Variants in SMC1A observed in about 807,000 individuals in gnomAD.
SMC1A encodes structural maintenance of chromosomes protein 1A.
In SMC1A, 4 loss-of-function variants were observed where a neutral mutation model predicts 94.5. That is an observed-to-expected ratio of 0.04 (90% CI 0.02 to 0.10). The LOEUF is 0.10. Ranked by LOEUF, SMC1A falls within the 10% of genes least tolerant of loss-of-function variation. The pLI is 1.00. For synonymous variants in SMC1A, 345 were observed against 347.7 expected (o/e 0.99, Z 0.09); for missense variants, 304 against 989.0 (o/e 0.31, Z 9.29).
At chrX:53,422,432 G>A in intron 1 of SMC1A, 60 bp downstream of exon 1, 1 of 808,923 alleles carries the variant, frequency 1.2e-6, no homozygotes, top group South Asian at 2.0e-5. Context: ...GTACTACTCC[G>A]GCACCGGATA....
In SMC1A at chrX:53,403,837, G is replaced by A; in HGVS notation, c.2253C>T (p.Ile751=). The part of the protein sequence containing the change: ...LANFGPRIND[I]KRIIQSRERE... The stretch of plus-strand genomic sequence containing the variant: ...TCTCTCGGCTCTGAATGATCCTCTT[G>A]ATATCATTAATGCGAGGCCCAAAGT... The change falls in exon 14 of 25, where the codon ATC becomes ATT. Residue 751 remains isoleucine (I), a synonymous_variant. Coordinates refer to ENST00000322213, the MANE Select transcript of SMC1A (RefSeq NM_006306.4). 8.3e-7 allele frequency: 1 copy of A among 1,210,675 alleles called. No homozygotes were observed. Among genetic ancestry groups the A allele is most frequent in the Non-Finnish European group, 1.1e-6 (1 of 894,769 alleles).
At chrX:53,383,385 C>G in intron 19 of SMC1A, 132 bp from the exon 20 acceptor site, 1 of 577,879 alleles carries the variant, frequency 1.7e-6, no homozygotes. Flanking sequence ...TTCTCCAGCT[C>G]GGTTCCTTCC....
chrX:53,383,316 A>G (rs2075592266), intron 19 of SMC1A, 63 bp from the exon 20 acceptor site: 5 of 1,087,681 alleles, frequency 4.6e-6, no homozygotes, highest in Non-Finnish European at 6.2e-6. Context: ...GCCCCCACCG[A>G]AAGATGACTG....
At position 53,379,738 on chromosome X, in the gene SMC1A, C is replaced by T; in HGVS notation, c.*365G>A. On this transcript the variant is annotated 3_prime_UTR_variant, in exon 25 of 25. Transcript: ENST00000322213. ...TATCCTTTATTATTTTGCAAACATA[C>T]TCACATGCACACATGCGGATACATA... The T allele has an allele frequency of 4.3e-6, 1 of 232,528 alleles. No individual in the cohort carries two copies. The highest frequency in any genetic ancestry group is 7.8e-6 in the Non-Finnish European group (1 of 128,708). 19.2% of individuals were successfully genotyped at this position (232,528 alleles called of 1,213,427 possible).
intron 4 of SMC1A, 27 bp from the exon 5 acceptor site, chrX:53,413,165 G>C: frequency 8.3e-7 from 1 of 1,211,725 alleles, no homozygotes; most frequent in Non-Finnish European, 1.1e-6. Flanking sequence ...ATGGTGGCAG[G>C]GGTGCATCGA....
At position 53,375,349 on chromosome X, in the gene SMC1A, T is replaced by TC. The variant is rs2075556101; in HGVS notation, c.*4753dup. On this transcript the variant is annotated 3_prime_UTR_variant, in exon 25 of 25. Coordinates refer to ENST00000322213, the MANE Select transcript of SMC1A (RefSeq NM_006306.4). ...AGGAAACCTAGCTTCCATTTCTGGC[T>TC]CCAACACTTCCTAGCAGTCGGACCT... 1 of 111,712 alleles carries TC rather than the reference T, an allele frequency of 9.0e-6. No individual in the cohort carries two copies. The highest frequency in any genetic ancestry group is 1.9e-5 in the Non-Finnish European group (1 of 53,083). The allele number at this position is 111,712 out of a possible 1,213,427, so 9.2% of individuals were successfully genotyped here.
At chrX:53,416,302 CAAAAA>C (rs781824156) in intron 1 of SMC1A, among the ~76,000 whole-genome samples, 2 of 58,082 alleles carry the variant, frequency 3.4e-5, no homozygotes, top group Non-Finnish European at 6.6e-5. Flanking sequence ...GACTCCATCT[CAAAAA>C]AAAAAAATAA....
At chrX:53,394,731 T>TGCCCCCCCCC in intron 19 of SMC1A, 47 bp downstream of exon 19, 1 of 416,232 alleles carries the variant, frequency 2.4e-6, no homozygotes, top group Non-Finnish European at 4.4e-6. Context: ...ATAGTCCCAC[T>TGCCCCCCCCC]CCCACCCAAC....
intron 16 of SMC1A, among the ~76,000 whole-genome samples, chrX:53,396,934 TACAG>T (rs782709205): frequency 3.6e-5 from 4 of 112,555 alleles, no homozygotes; most frequent in South Asian, 3.6e-4. Flanking sequence ...GCATTTGATT[TACAG>T]ACAGTTTTAC....
intron 19 of SMC1A, among the ~76,000 whole-genome samples, chrX:53,389,307 A>G (rs1337869221): frequency 9.0e-6 from 1 of 111,204 alleles, no homozygotes; most frequent in African/African-American, 3.3e-5. Flanking sequence ...TTCAAGTGAC[A>G]TATCAATTAA....
At chrX:53,413,536 T>G (rs1379903819) in intron 3 of SMC1A, 101 bp from the exon 4 acceptor site, 2 of 757,268 alleles carry the variant, frequency 2.6e-6, no homozygotes, top group Non-Finnish European at 2.0e-6. Flanking sequence ...CAACTTTCTC[T>G]CCCATGCCCC....
chrX:53,401,489 A>G (rs1332375772), intron 15 of SMC1A, among the ~76,000 whole-genome samples: 2 of 112,033 alleles, frequency 1.8e-5, no homozygotes, highest in African/African-American at 6.5e-5. Context: ...TACCAGGTTT[A>G]TAAGTTATCC....
At position 53,379,392 on chromosome X, in the gene SMC1A, CTCAAAT is replaced by C. The variant is rs1329246402; in HGVS notation, c.*705_*710del. ...GAAGCCTAGAGGGGATCACCCACTT[CTCAAAT>C]TCAAAGTACATATGACATTCAGCTA... On this transcript the variant is annotated 3_prime_UTR_variant, in exon 25 of 25. Transcript: ENST00000322213. 1.8e-5 allele frequency: 2 copies of C among 111,962 alleles called. No individual in the cohort carries two copies. Among genetic ancestry groups the C allele is most frequent in the Non-Finnish European group, 3.8e-5 (2 of 53,305 alleles). 9.2% of individuals were successfully genotyped at this position (111,962 alleles called of 1,213,427 possible).
intron 6 of SMC1A, 45 bp from the exon 7 acceptor site, chrX:53,411,946 A>T: frequency 8.3e-7 from 1 of 1,211,531 alleles, no homozygotes; most frequent in East Asian, 3.0e-5. Context: ...CCAAGTCAGC[A>T]GATGTCAGCC....
intron 5 of SMC1A, 83 bp from the exon 6 acceptor site, chrX:53,412,336 G>C: frequency 1.0e-6 from 1 of 983,220 alleles, no homozygotes; most frequent in Non-Finnish European, 1.4e-6. Context: ...AGGAGAGCTT[G>C]AGCCCCTGAG....
intron 19 of SMC1A, among the ~76,000 whole-genome samples, chrX:53,389,775 A>C (rs782182088): frequency 2.5e-4 from 28 of 110,577 alleles, no homozygotes; most frequent in African/African-American, 8.5e-4. Context: ...ATTATTTTTA[A>C]GAATTCCTAT....
Position 53,411,886 on chromosome X carries a change from G to A in SMC1A, c.1129C>T (p.Arg377Trp). 1 of 1,211,301 alleles carries A rather than the reference G, an allele frequency of 8.3e-7. No homozygotes were observed. The highest frequency in any genetic ancestry group is 1.8e-5 in the South Asian group (1 of 56,982). ...CTCTTGCTGGCTTCTTCTTTCAACC[G>A]GTGGTATTTCTTCACCTGTGTTAGG... ...LEENQVKKYH[R>W]LKEEASKRAA... Residue 377 changes from arginine to tryptophan, a missense_variant, in exon 7 of 25, where the codon CGG becomes TGG. By Grantham distance (101) the Arg-to-Trp change is moderately radical. Around this residue, in one of 11 missense-constraint regions of SMC1A, gnomAD observed 120 missense variants for 314.9 expected, o/e 0.38. Coordinates refer to ENST00000322213, the MANE Select transcript of SMC1A (RefSeq NM_006306.4).
chrX:53,399,763 A>G, intron 15 of SMC1A, 33 bp from the exon 16 acceptor site: 1 of 1,185,429 alleles, frequency 8.4e-7, no homozygotes, highest in African/African-American at 1.7e-5. Flanking sequence ...AATCACTCAT[A>G]ATCTCATCAG....
chrX:53,391,607 G>A (rs146477146), intron 19 of SMC1A, among the ~76,000 whole-genome samples: 4,555 of 110,805 alleles, frequency 0.041, 128 homozygotes, highest in Non-Finnish European at 0.065. Context: ...GTTCAGTGCA[G>A]CCTCAACCTC....
Sources: gnomAD v4.1 joint callset for allele counts (sites outside exome capture counted in the v4.1 genomes callset) on GRCh38, gnomAD v4.1.1 for gene constraint, gnomAD v4.1.1 regional missense constraint, MANE v1.5 for transcripts, NCBI Gene and HGNC (gene_info 2026-07-23, HGNC 2026-07-21) for gene names.